The following DGLUCY variants were observed in gnomAD, a reference collection of about 807,000 sequenced individuals.
The protein encoded by DGLUCY is D-glutamate cyclase, mitochondrial.
In DGLUCY, 58 loss-of-function variants were observed where a neutral mutation model predicts 58.5. The observed-to-expected ratio is 0.99, with a 90% CI of 0.80 to 1.23. The LOEUF (loss-of-function observed/expected upper bound fraction) is 1.23, where lower values mean the gene tolerates loss of function less well. Ranked by LOEUF, DGLUCY falls within the 50% of genes most tolerant of loss-of-function variation. The pLI is 0.00. For synonymous variants in DGLUCY, 325 were observed against 314.1 expected, an observed-to-expected ratio of 1.03 and a Z score of -0.37; for missense variants, 779 against 784.7, an observed-to-expected ratio of 0.99 and a Z score of 0.09.
intron 5 of DGLUCY, among the ~76,000 whole-genome samples, chr14:91,172,926 G>GAGCC (rs1362989225): frequency 1.3e-5 from 2 of 152,172 alleles, no homozygotes; most frequent in African/African-American, 4.8e-5. Context: ...TTACAGGTGT[G>GAGCC]AGCCATCGTG....
At chr14:91,204,133 C>T (rs140170210) in intron 11 of DGLUCY, among the ~76,000 whole-genome samples, 2 of 152,320 alleles carry the variant, frequency 1.3e-5, no homozygotes, top group African/African-American at 4.8e-5. Flanking sequence ...TTAACAAATT[C>T]TCTGATGCAG....
chr14:91,097,778 A>G (rs535957143), intron 1 of DGLUCY, among the ~76,000 whole-genome samples: 90 of 151,974 alleles, frequency 5.9e-4, no homozygotes, highest in Admixed American at 2.1e-3. Flanking sequence ...GGTTCAAGCA[A>G]TTCTTCTGCT....
chr14:91,182,354 C>T (rs1595860878), intron 8 of DGLUCY, among the ~76,000 whole-genome samples: 1 of 152,046 alleles, frequency 6.6e-6, no homozygotes, highest in East Asian at 1.9e-4. Context: ...ATTTGCTGGG[C>T]ATGTTGCCAG....
At chr14:91,146,001 C>T (rs532515456) in intron 1 of DGLUCY, among the ~76,000 whole-genome samples, 2 of 152,250 alleles carry the variant, frequency 1.3e-5, no homozygotes, top group African/African-American at 4.8e-5. Flanking sequence ...GCATCAGTCT[C>T]CCGAGTAGCT....
At chr14:91,183,377 T>A (rs1321936290) in intron 8 of DGLUCY, among the ~76,000 whole-genome samples, 1 of 152,228 alleles carries the variant, frequency 6.6e-6, no homozygotes, top group Non-Finnish European at 1.5e-5. Context: ...ATTTAAGGGC[T>A]GAATTTCTAA....
At chr14:91,221,502 ATGGATGGATAG>A (rs1052875597) in intron 13 of DGLUCY, among the ~76,000 whole-genome samples, 46 of 151,584 alleles carry the variant, frequency 3.0e-4, no homozygotes, top group Admixed American at 6.6e-5. Flanking sequence ...GGATGCATGG[ATGGATGGATAG>A]TGGATGGATA....
intron 1 of DGLUCY, among the ~76,000 whole-genome samples, chr14:91,068,079 G>GCGCACACACACACACGCGCACGCGCA (rs375738080): frequency 6.8e-6 from 1 of 146,342 alleles, no homozygotes; most frequent in Non-Finnish European, 1.5e-5. Context: ...ACACGCGCAC[G>GCGCACACACACACACGCGCACGCGCA]CACACACACA....
At chr14:91,102,035 G>A (rs1323865277) in intron 1 of DGLUCY, among the ~76,000 whole-genome samples, 2 of 151,802 alleles carry the variant, frequency 1.3e-5, no homozygotes, top group African/African-American at 4.8e-5. Context: ...TAATTCAAAT[G>A]TTCCTGGCAT....
Position 91,215,537 on chromosome 14 carries a change from C to T in DGLUCY, c.1697C>T (p.Ala566Val), listed in dbSNP as rs765230327. The change falls in exon 13 of 14, where the codon GCC (alanine) becomes GTC (valine). Residue 566 changes from alanine to valine, a missense_variant. Transcript: ENST00000256324. ...CCTGGAGATCAGGCCTGGACTCAGGCCCTCCCGTCGGTCATTAAGGTAACA... is the reference window on the plus strand; with the variant it reads ...CCTGGAGATCAGGCCTGGACTCAGGTCCTCCCGTCGGTCATTAAGGTAACA... ...RAPGDQAWTQ[A>V]LPSVIKEEKM... 2 of 1,614,024 alleles carry T rather than the reference C, an allele frequency of 1.2e-6. No homozygotes were observed. The highest frequency in any genetic ancestry group is 2.2e-5 in the South Asian group (2 of 91,086).
At chr14:91,180,817 A>G (rs780733067) in intron 7 of DGLUCY, among the ~76,000 whole-genome samples, 1 of 152,236 alleles carries the variant, frequency 6.6e-6, no homozygotes, top group Non-Finnish European at 1.5e-5. Flanking sequence ...TCCAAACCTA[A>G]CATTTGCTGG....
chr14:91,083,197 C>T (rs755637182), intron 1 of DGLUCY, among the ~76,000 whole-genome samples: 2 of 152,138 alleles, frequency 1.3e-5, no homozygotes, highest in South Asian at 2.1e-4. Flanking sequence ...TCCACCACAT[C>T]GGAGGTAGTG....
intron 13 of DGLUCY, among the ~76,000 whole-genome samples, chr14:91,220,271 C>T (rs748234662): frequency 2.6e-5 from 4 of 152,218 alleles, no homozygotes; most frequent in African/African-American, 7.2e-5. Context: ...CGAGTGGGGC[C>T]GTAACAGATC....
intron 12 of DGLUCY, among the ~76,000 whole-genome samples, chr14:91,208,748 CA>C (rs1042457922): frequency 6.6e-6 from 1 of 150,878 alleles, no homozygotes; most frequent in Non-Finnish European, 1.5e-5. Context: ...GACCCTGTCT[CA>C]AAAAAAATAG....
intron 1 of DGLUCY, among the ~76,000 whole-genome samples, chr14:91,097,703 C>T (rs2044418784): frequency 7.0e-6 from 1 of 142,994 alleles, no homozygotes. Context: ...GACGGAGTTT[C>T]GCTCTTGTTG....
chr14:91,097,012 A>T (rs1490209201), intron 1 of DGLUCY, among the ~76,000 whole-genome samples: 1 of 152,218 alleles, frequency 6.6e-6, no homozygotes, highest in Non-Finnish European at 1.5e-5. Flanking sequence ...CAAAAAATAG[A>T]CTGGTGGTGG....
In DGLUCY at chr14:91,136,969, C is replaced by CA. The variant is rs1276548032; in HGVS notation, c.-81-20658dup. 4.5e-3 allele frequency among the ~76,000 whole-genome samples: 630 copies of CA among 140,950 alleles called. 2 individuals carry two copies. The highest frequency in any genetic ancestry group is 0.018 in the Middle Eastern group (5 of 278). The allele number at this position is 140,950 out of a possible 152,430, so 92.5% of individuals were successfully genotyped here. A position where few individuals can be genotyped will look rare whatever the true frequency, so the allele number is the denominator to read the frequency against. On this transcript the variant is annotated intron_variant, in intron 1 of 13. Coordinates refer to ENST00000256324, the MANE Select transcript of DGLUCY (RefSeq NM_001102368.3). ...GGGCAACAAAAGCGAAACTTTGTCTCAAAAAAAAAAAATGCAGACCCCCAA... is the reference window on the plus strand; with the variant it reads ...GGGCAACAAAAGCGAAACTTTGTCTCAAAAAAAAAAAAATGCAGACCCCCAA...
At chr14:91,161,104 C>T (rs1425896692) in intron 3 of DGLUCY, among the ~76,000 whole-genome samples, 3 of 152,232 alleles carry the variant, frequency 2.0e-5, no homozygotes, top group South Asian at 2.1e-4. Context: ...CTCGCTCTGT[C>T]GCCCAGGCTG....
chr14:91,077,022 A>T (rs955018615), intron 1 of DGLUCY, among the ~76,000 whole-genome samples: 7 of 152,098 alleles, frequency 4.6e-5, no homozygotes, highest in Admixed American at 4.6e-4. Context: ...AGGTGGAAGG[A>T]TCACTTGAGC....
chr14:91,082,335 T>C (rs1204285454), intron 1 of DGLUCY, among the ~76,000 whole-genome samples: 1 of 152,212 alleles, frequency 6.6e-6, no homozygotes, highest in Non-Finnish European at 1.5e-5. Flanking sequence ...CTGACCATCA[T>C]TTTAACCAAA....
Sources: gnomAD v4.1 joint callset for allele counts (sites outside exome capture counted in the v4.1 genomes callset) on GRCh38, gnomAD v4.1.1 for gene constraint, MANE v1.5 for transcripts, NCBI Gene and HGNC (gene_info 2026-07-23, HGNC 2026-07-21) for gene names.